PLEKHA7: variants seen among roughly 807,000 people sequenced by gnomAD.
The protein encoded by PLEKHA7 is pleckstrin homology domain-containing family A member 7.
In PLEKHA7, 104 loss-of-function variants were observed where a neutral mutation model predicts 170.0. The ratio of observed to expected loss-of-function variants is 0.61; its 90% CI spans 0.52 to 0.72. The LOEUF is 0.72. Among genes scored for constraint, PLEKHA7 ranks in the 30% least tolerant of loss-of-function variants. The pLI, the probability that PLEKHA7 is intolerant of heterozygous loss-of-function variation, is 0.00. For missense variants in PLEKHA7, 1,615 were observed against 1,671.7 expected, an observed-to-expected ratio of 0.97 and a Z score of 0.59; for synonymous variants, 648 against 660.8, an observed-to-expected ratio of 0.98 and a Z score of 0.30.
intron 10 of PLEKHA7, among the ~76,000 whole-genome samples, chr11:16,823,046 G>A (rs1239267129): frequency 6.6e-6 from 1 of 152,016 alleles, no homozygotes; most frequent in South Asian, 2.1e-4. Context: ...CCAGGCTGGA[G>A]TGCAGTGGTA....
chr11:16,840,176 A>T (rs1250235699), intron 9 of PLEKHA7, among the ~76,000 whole-genome samples: 1 of 152,218 alleles, frequency 6.6e-6, no homozygotes, highest in African/African-American at 2.4e-5. Context: ...CCTGTTCAAC[A>T]TCTTCATTCA....
chr11:16,887,833 G>A (rs951768792), intron 3 of PLEKHA7, among the ~76,000 whole-genome samples: 1 of 152,086 alleles, frequency 6.6e-6, no homozygotes, highest in African/African-American at 2.4e-5. Context: ...GGGAAGTGAG[G>A]AGCGTCTCTG....
intron 3 of PLEKHA7, among the ~76,000 whole-genome samples, chr11:16,968,304 C>T (rs1425125636): frequency 6.6e-6 from 1 of 152,206 alleles, no homozygotes; most frequent in African/African-American, 2.4e-5. Flanking sequence ...GGCACAGAGA[C>T]TCATGCACAG....
At chr11:16,967,313 T>C (rs1049037144) in intron 3 of PLEKHA7, among the ~76,000 whole-genome samples, 4 of 152,164 alleles carry the variant, frequency 2.6e-5, no homozygotes, top group African/African-American at 9.7e-5. Context: ...CAGAAACCAT[T>C]CCATTAGGGC....
Position 16,794,598 on chromosome 11 carries a change from C to T in PLEKHA7, c.2635G>A (p.Val879Ile), listed in dbSNP as rs138278563. The T allele has an allele frequency of 5.6e-6, 9 of 1,613,202 alleles. No individual in the cohort carries two copies. The highest frequency in any genetic ancestry group is 7.6e-6 in the Non-Finnish European group (9 of 1,179,558). Residue 879 changes from valine (V) to isoleucine (I), a missense_variant, in exon 19 of 27, where the codon GTT becomes ATT. By Grantham distance (29) the Val-to-Ile change is conservative. Coordinates refer to ENST00000531066, the MANE Select transcript of PLEKHA7 (RefSeq NM_001329630.2). ...GTTTGCAGCTGGGGGAAGAGTCGAA[C>T]CTCCAGAGGGGTCCGCACAGGGCTG... Reference protein sequence around the residue: ...PTSPVRTPLEVRLFPQLQTYV... With the variant: ...PTSPVRTPLEIRLFPQLQTYV...
At chr11:16,935,404 A>G (rs1565132600) in intron 3 of PLEKHA7, among the ~76,000 whole-genome samples, 1 of 152,260 alleles carries the variant, frequency 6.6e-6, no homozygotes, top group Non-Finnish European at 1.5e-5. Context: ...CCTGGGTGAC[A>G]GAGTGAGACT....
rs1416225199 is a variant in PLEKHA7, at chr11:16,791,037, C to T, written c.2908G>A (p.Gly970Arg). 1 of 1,614,008 alleles carries T rather than the reference C, an allele frequency of 6.2e-7. No homozygotes were observed. The highest frequency in any genetic ancestry group is 8.5e-7 in the Non-Finnish European group (1 of 1,180,052). The change falls in exon 20 of 27, where the codon GGG becomes AGG. Residue 970 changes from glycine to arginine, a missense_variant. Coordinates refer to ENST00000531066, the MANE Select transcript of PLEKHA7 (RefSeq NM_001329630.2). This position sits in a 1 kb window ranked among gnomAD's most constrained non-coding sequence, Gnocchi z 4.5. ...CTGGAATCCCCATTCACACACTGCCCCAGCTCCCGGTCTCGCTTCCTCTCG... is the reference window on the plus strand; with the variant it reads ...CTGGAATCCCCATTCACACACTGCCTCAGCTCCCGGTCTCGCTTCCTCTCG... ...SDERKRDREL[G>R]QCVNGDSRVE...
At chr11:16,939,520 C>T (rs761892649) in intron 3 of PLEKHA7, among the ~76,000 whole-genome samples, 19 of 152,092 alleles carry the variant, frequency 1.2e-4, no homozygotes, top group Non-Finnish European at 1.6e-4. Context: ...TAAAAATTTA[C>T]GTATTTAGTT....
chr11:16,816,761 T>C, intron 11 of PLEKHA7, 39 bp downstream of exon 11: 1 of 1,598,682 alleles, frequency 6.3e-7, no homozygotes, highest in Non-Finnish European at 8.5e-7. Context: ...GGCGCCCTCA[T>C]GATGACCCAG....
chr11:16,818,856 T>A (rs1590216736), intron 10 of PLEKHA7, among the ~76,000 whole-genome samples: 2 of 152,006 alleles, frequency 1.3e-5, no homozygotes, highest in South Asian at 2.1e-4. Flanking sequence ...CAGGCTGGAG[T>A]GCAGTGGTGC....
intron 3 of PLEKHA7, among the ~76,000 whole-genome samples, chr11:16,915,762 T>C (rs1333521505): frequency 5.3e-5 from 8 of 150,614 alleles, no homozygotes; most frequent in African/African-American, 7.3e-5. Context: ...CAGTCTATCA[T>C]TGTTGGACAT....
chr11:16,822,615 A>G (rs1359481419), intron 10 of PLEKHA7, among the ~76,000 whole-genome samples: 1 of 151,798 alleles, frequency 6.6e-6, no homozygotes, highest in East Asian at 1.9e-4. Context: ...ACTCTCCCCA[A>G]CAAAACCTCC....
intron 3 of PLEKHA7, among the ~76,000 whole-genome samples, chr11:16,964,778 G>T (rs1364008235): frequency 6.6e-6 from 1 of 152,110 alleles, no homozygotes; most frequent in East Asian, 1.9e-4. Context: ...TTAGATACTG[G>T]GGGACACCAG....
intron 3 of PLEKHA7, among the ~76,000 whole-genome samples, chr11:16,964,998 A>G (rs1222731541): frequency 1.3e-5 from 1 of 75,488 alleles, no homozygotes; most frequent in Non-Finnish European, 2.7e-5. Flanking sequence ...TGGGATATAC[A>G]TGATTTAAAA....
chr11:17,014,351 G>A lies in PLEKHA7; in HGVS notation c.51C>T (p.Tyr17=), dbSNP rs1325156666. ...AGACGCGGCCATCCCGGCACACCCC[G>A]TAGGACCAATGCTCAGGTAAAGTGT... ...GRDTLPEHWS[Y]GVCRDGRVFF... The change falls in exon 1 of 27, where the codon TAC becomes TAT. Residue 17 remains tyrosine, a synonymous_variant. Transcript: ENST00000531066. 1.4e-6 allele frequency: 2 copies of A among 1,442,168 alleles called. No individual in the cohort carries two copies. The highest frequency in any genetic ancestry group is 1.5e-5 in the African/African-American group (1 of 67,200). 89.3% of individuals were successfully genotyped at this position (1,442,168 alleles called of 1,614,324 possible). A position where few individuals can be genotyped will look rare whatever the true frequency, so the allele number is the denominator to read the frequency against.
At position 16,990,012 on chromosome 11, in the gene PLEKHA7, G is replaced by C. The variant is rs1863939351; in HGVS notation, c.221+23977C>G. On this transcript the variant is annotated intron_variant, in intron 3 of 26. Coordinates refer to ENST00000531066, the MANE Select transcript of PLEKHA7 (RefSeq NM_001329630.2). The stretch of plus-strand genomic sequence containing the variant: ...AGGTTTACTCTCCATTGCTCCTGGA[G>C]ACTAGAGGCTGAGCTGTATGTACTC... Among the ~76,000 whole-genome samples the C allele has an allele frequency of 3.3e-5, 5 of 151,950 alleles. 1 individual carries two copies. The South Asian group carries it at 1.0e-3, about 32-fold the overall frequency.
chr11:16,829,698 C>G (rs1161464309), intron 9 of PLEKHA7, among the ~76,000 whole-genome samples: 1 of 152,142 alleles, frequency 6.6e-6, no homozygotes, highest in East Asian at 1.9e-4. Flanking sequence ...ATCGCTTGAA[C>G]CTGGGAGGCA....
intron 8 of PLEKHA7, among the ~76,000 whole-genome samples, chr11:16,846,005 C>T (rs1359053092): frequency 6.6e-6 from 1 of 152,114 alleles, no homozygotes; most frequent in Non-Finnish European, 1.5e-5. Context: ...AGAAAAGAGG[C>T]CGGGTGTAGT....
chr11:16,828,231 T>C (rs1850813266), intron 9 of PLEKHA7, among the ~76,000 whole-genome samples: 1 of 152,188 alleles, frequency 6.6e-6, no homozygotes, highest in Admixed American at 6.5e-5. Flanking sequence ...GGGAGGAAAT[T>C]GAATCATGAG....
Sources: gnomAD v4.1 joint callset for allele counts (sites outside exome capture counted in the v4.1 genomes callset) on GRCh38, gnomAD v4.1.1 for gene constraint, Gnocchi (gnomAD v3.1) non-coding constraint, MANE v1.5 for transcripts, NCBI Gene and HGNC (gene_info 2026-07-23, HGNC 2026-07-21) for gene names.